The following RYR3 variants were observed in gnomAD, a reference collection of about 807,000 sequenced individuals.
RYR3 encodes the protein ryanodine receptor 3, also known as brain ryanodine receptor-calcium release channel.
RYR3 carries 207 observed loss-of-function variants against 584.3 expected under a neutral mutation model. The ratio of observed to expected loss-of-function variants is 0.35; its 90% CI spans 0.32 to 0.40. RYR3 has a LOEUF of 0.40. Ranked by LOEUF, RYR3 falls within the 10% of genes least tolerant of loss-of-function variation. The probability of loss-of-function intolerance (pLI) is 1.00; values close to 1 mark genes in which losing one functional copy is unlikely to be tolerated. For missense variants in RYR3, 5,616 were observed against 6,089.2 expected (o/e 0.92, Z 2.59); for synonymous variants, 2,416 against 2,248.5 (o/e 1.07, Z -2.11).
rs80150800 is a variant in RYR3 at position 33,705,513 on chromosome 15, A to T, written c.6484-1406A>T. Among the ~76,000 whole-genome samples the T allele has an allele frequency of 1.5e-3, 223 of 152,328 alleles. 4 individuals carry two copies. The East Asian group carries it at 0.034, about 23-fold the overall frequency. ...CTCCTCTTCTCTGTGTATACATAAG[A>T]TATCAAAGGTGAAATTAGAATAGCA... On this transcript the variant is annotated intron_variant, in intron 42 of 103. Transcript: ENST00000634891.
intron 19 of RYR3, among the ~76,000 whole-genome samples, chr15:33,622,195 T>C (rs188070768): frequency 6.6e-6 from 1 of 152,322 alleles, no homozygotes; most frequent in Admixed American, 6.5e-5. Context: ...CCATTTGGAA[T>C]AAAATCCTAC....
intron 91 of RYR3, among the ~76,000 whole-genome samples, 198 bp downstream of exon 91, chr15:33,842,233 C>A (rs2078416315): frequency 1.3e-5 from 2 of 152,222 alleles, no homozygotes; most frequent in Non-Finnish European, 2.9e-5. Flanking sequence ...CTGGAAAGAA[C>A]CACAGTCCTC....
At chr15:33,340,348 GT>G (rs1971670354) in intron 1 of RYR3, among the ~76,000 whole-genome samples, 2 of 152,168 alleles carry the variant, frequency 1.3e-5, no homozygotes, top group African/African-American at 2.4e-5. Flanking sequence ...AGTTGCATTT[GT>G]TTCTTTTGAT....
intron 5 of RYR3, among the ~76,000 whole-genome samples, chr15:33,537,559 A>G (rs1334471960): frequency 6.6e-6 from 1 of 152,180 alleles, no homozygotes; most frequent in Non-Finnish European, 1.5e-5. Flanking sequence ...CAGCTTCCTG[A>G]AGGCTTTCTA....
intron 81 of RYR3, among the ~76,000 whole-genome samples, chr15:33,824,632 A>C (rs989574756): frequency 2.0e-5 from 3 of 152,196 alleles, no homozygotes; most frequent in Admixed American, 2.0e-4. Context: ...ATTTTTACCT[A>C]AATGATGAAA....
intron 1 of RYR3, among the ~76,000 whole-genome samples, chr15:33,314,819 C>T (rs995607217): frequency 1.3e-5 from 2 of 151,950 alleles, no homozygotes; most frequent in Non-Finnish European, 2.9e-5. Context: ...GAGGCAGAGG[C>T]GGGAGAACGG....
chr15:33,421,421 C>T (rs2044234327), intron 1 of RYR3, among the ~76,000 whole-genome samples: 1 of 152,108 alleles, frequency 6.6e-6, no homozygotes. Flanking sequence ...AGGATAACGA[C>T]ATTGAGGATG....
At chr15:33,559,048 C>G (rs181579107) in intron 10 of RYR3, among the ~76,000 whole-genome samples, 2 of 152,114 alleles carry the variant, frequency 1.3e-5, no homozygotes, top group African/African-American at 2.4e-5. Flanking sequence ...TGTCTGGTAC[C>G]GGCCCTGGGG....
At chr15:33,366,400 T>C (rs1975503029) in intron 1 of RYR3, among the ~76,000 whole-genome samples, 1 of 152,144 alleles carries the variant, frequency 6.6e-6, no homozygotes, top group South Asian at 2.1e-4. Flanking sequence ...AGTTAATATA[T>C]TGAATGGCAT....
chr15:33,384,570 T>C (rs952140018), intron 1 of RYR3, among the ~76,000 whole-genome samples: 1 of 136,560 alleles, frequency 7.3e-6, no homozygotes, highest in African/African-American at 2.7e-5. Context: ...ATACTTACGG[T>C]GTACAACCTT....
intron 1 of RYR3, among the ~76,000 whole-genome samples, chr15:33,460,393 A>G (rs578053787): frequency 6.6e-6 from 1 of 152,368 alleles, no homozygotes; most frequent in South Asian, 2.1e-4. Flanking sequence ...TTGGTATGCA[A>G]CTGACTGAAA....
intron 18 of RYR3, among the ~76,000 whole-genome samples, chr15:33,606,061 T>G (rs897438392): frequency 1.3e-5 from 2 of 152,200 alleles, no homozygotes; most frequent in African/African-American, 4.8e-5. Flanking sequence ...TGGAAAGAAT[T>G]ACAGTGCCTC....
intron 1 of RYR3, among the ~76,000 whole-genome samples, chr15:33,355,514 G>T (rs989028384): frequency 6.6e-6 from 1 of 152,152 alleles, no homozygotes; most frequent in African/African-American, 2.4e-5. Context: ...AGCTGACATC[G>T]CTAATAAGCA....
At chr15:33,712,847 GC>G (rs1307642868) in intron 43 of RYR3, among the ~76,000 whole-genome samples, 7 of 152,102 alleles carry the variant, frequency 4.6e-5, no homozygotes, top group African/African-American at 1.7e-4. Context: ...TAACCTCAGT[GC>G]TTTTTTATGT....
At chr15:33,512,677 G>A (rs2053141050) in intron 3 of RYR3, among the ~76,000 whole-genome samples, 1 of 152,272 alleles carries the variant, frequency 6.6e-6, no homozygotes, top group Non-Finnish European at 1.5e-5. Flanking sequence ...TGTGGACATT[G>A]GAATGCTCTG....
At chr15:33,779,294 T>C (rs557365825) in intron 64 of RYR3, among the ~76,000 whole-genome samples, 11 of 152,096 alleles carry the variant, frequency 7.2e-5, no homozygotes, top group Non-Finnish European at 1.5e-4. Flanking sequence ...TGGTGTGATC[T>C]CAAGCCTTTT....
chr15:33,737,563 A>C (rs767356646), intron 49 of RYR3, among the ~76,000 whole-genome samples: 1 of 152,182 alleles, frequency 6.6e-6, no homozygotes, highest in Non-Finnish European at 1.5e-5. Flanking sequence ...CTTTAGTTCA[A>C]TCCCCTGTCT....
chr15:33,681,100 A>G (rs960837271), intron 38 of RYR3, among the ~76,000 whole-genome samples: 3 of 152,164 alleles, frequency 2.0e-5, no homozygotes, highest in Admixed American at 1.3e-4. Flanking sequence ...TAGCCCTGCA[A>G]TTTACTCCAG....
At chr15:33,527,774 T>G (rs910010556) in intron 3 of RYR3, among the ~76,000 whole-genome samples, 1 of 152,136 alleles carries the variant, frequency 6.6e-6, no homozygotes, top group Non-Finnish European at 1.5e-5. Flanking sequence ...ATGATGTGAT[T>G]GACAGTTTTT....
Sources: gnomAD v4.1 joint callset for allele counts (sites outside exome capture counted in the v4.1 genomes callset) on GRCh38, gnomAD v4.1.1 for gene constraint, MANE v1.5 for transcripts, NCBI Gene and HGNC (gene_info 2026-07-23, HGNC 2026-07-21) for gene names.